Variants in C12orf56 observed in about 807,000 individuals in gnomAD.
C12orf56 encodes the protein chromosome 12 open reading frame 56, also known as uncharacterized protein C12orf56.
In C12orf56, 71 loss-of-function variants were observed where a neutral mutation model predicts 69.9. That is an observed-to-expected ratio of 1.02 (90% CI 0.84 to 1.24). C12orf56 has a LOEUF of 1.24. Ranked by LOEUF, C12orf56 falls within the 50% of genes most tolerant of loss-of-function variation. The probability of loss-of-function intolerance (pLI) is 0.00; values close to 1 mark genes in which losing one functional copy is unlikely to be tolerated. For missense variants in C12orf56, 732 were observed against 738.5 expected (o/e 0.99, Z 0.10); for synonymous variants, 276 against 274.1 (o/e 1.01, Z -0.07).
At chr12:64,350,819 A>T (rs995730302) in intron 2 of C12orf56, among the ~76,000 whole-genome samples, 2 of 152,240 alleles carry the variant, frequency 1.3e-5, no homozygotes, top group Non-Finnish European at 2.9e-5. Context: ...GCTGCACTTT[A>T]TGCAAATAAT....
intron 2 of C12orf56, among the ~76,000 whole-genome samples, chr12:64,348,915 T>G (rs1265944231): frequency 3.3e-5 from 5 of 152,200 alleles, no homozygotes; most frequent in Admixed American, 3.3e-4. Context: ...TAAGGACTCA[T>G]GAAGAGCTGA....
At chr12:64,283,913 T>TC (rs2038164748) in intron 8 of C12orf56, among the ~76,000 whole-genome samples, 1 of 150,758 alleles carries the variant, frequency 6.6e-6, no homozygotes, top group Admixed American at 6.6e-5. Context: ...TATCTATTTT[T>TC]TTTTTTTTTT....
At position 64,318,575 on chromosome 12, in the gene C12orf56, T is replaced by C; in HGVS notation, c.894A>G (p.Ile298Met). Residue 298 changes from isoleucine (I) to methionine (M), a missense_variant and splice_region_variant, in exon 4 of 13, where the codon ATA becomes ATG. By Grantham distance (10) the Ile-to-Met change is conservative (BLOSUM62 1). Coordinates refer to ENST00000543942, the MANE Select transcript of C12orf56 (RefSeq NM_001170633.2). ...HLKSSWNNYI[I>M]KATLLQDPFY... ...AAGGTTAACTTAGGAGGACACTTACTATAATATAATTGTTCCATGAACTTT... is the reference window on the plus strand; with the variant it reads ...AAGGTTAACTTAGGAGGACACTTACCATAATATAATTGTTCCATGAACTTT... 3.3e-6 allele frequency: 5 copies of C among 1,526,848 alleles called. No individual in the cohort carries two copies. The highest frequency in any genetic ancestry group is 1.7e-4 in the Middle Eastern group (1 of 5,942). 94.6% of individuals were successfully genotyped at this position (1,526,848 alleles called of 1,614,324 possible).
chr12:64,379,387 C>T (rs2039681962), intron 1 of C12orf56, among the ~76,000 whole-genome samples: 1 of 151,944 alleles, frequency 6.6e-6, no homozygotes, highest in East Asian at 2.0e-4. Context: ...CGGGTTCACG[C>T]CATTCTCCTG....
chr12:64,298,812 T>C (rs563545676), intron 6 of C12orf56, among the ~76,000 whole-genome samples: 5 of 152,068 alleles, frequency 3.3e-5, no homozygotes, highest in Middle Eastern at 3.4e-3. Flanking sequence ...AGTCAGGTAG[T>C]GTGATGCCTC....
intron 6 of C12orf56, among the ~76,000 whole-genome samples, chr12:64,299,377 T>A (rs2136795767): frequency 6.6e-6 from 1 of 152,214 alleles, no homozygotes; most frequent in East Asian, 1.9e-4. Flanking sequence ...TATTTCCTTC[T>A]CCATTCACTT....
intron 8 of C12orf56, among the ~76,000 whole-genome samples, chr12:64,280,618 T>A (rs1176084625): frequency 2.0e-5 from 3 of 152,264 alleles, no homozygotes; most frequent in African/African-American, 7.2e-5. Context: ...GAGAATATAA[T>A]AAAGGCCCTA....
intron 1 of C12orf56, among the ~76,000 whole-genome samples, chr12:64,354,377 TGTA>T (rs2039277609): frequency 6.6e-6 from 1 of 152,138 alleles, no homozygotes; most frequent in Non-Finnish European, 1.5e-5. Flanking sequence ...GAGTTGAGGC[TGTA>T]GTGTGCCATG....
chr12:64,388,593 T>G (rs983704416), intron 1 of C12orf56, among the ~76,000 whole-genome samples: 3 of 152,202 alleles, frequency 2.0e-5, no homozygotes, highest in African/African-American at 7.2e-5. Flanking sequence ...AAAAAAAATT[T>G]AGTTCAAGGC....
At chr12:64,342,839 G>A (rs915330481) in intron 2 of C12orf56, among the ~76,000 whole-genome samples, 2 of 152,232 alleles carry the variant, frequency 1.3e-5, no homozygotes, top group African/African-American at 2.4e-5. Flanking sequence ...GGCCTCCTCT[G>A]TAATTCACCT....
intron 1 of C12orf56, among the ~76,000 whole-genome samples, chr12:64,381,476 C>G (rs561720219): frequency 6.6e-6 from 1 of 152,264 alleles, no homozygotes; most frequent in South Asian, 2.1e-4. Context: ...AGGCAAGAAG[C>G]ATGTTTGTTT....
intron 2 of C12orf56, among the ~76,000 whole-genome samples, chr12:64,345,576 G>T (rs993186531): frequency 1.3e-5 from 2 of 152,108 alleles, no homozygotes; most frequent in Admixed American, 6.6e-5. Flanking sequence ...ATCTTCCATT[G>T]CAGGTCAGCG....
At chr12:64,308,959 G>GA (rs1157732795) in intron 5 of C12orf56, among the ~76,000 whole-genome samples, 65 of 110,002 alleles carry the variant, frequency 5.9e-4, no homozygotes, top group South Asian at 8.9e-4. Flanking sequence ...AAGAAAGAAA[G>GA]AAAGAAAGAA....
intron 11 of C12orf56, 86 bp from the exon 12 acceptor site, chr12:64,270,800 G>A (rs2037977923): frequency 7.0e-6 from 8 of 1,135,506 alleles, no homozygotes; most frequent in Non-Finnish European, 1.0e-5. Context: ...TACAAATCTA[G>A]ACTGAGGCCC....
chr12:64,308,940 G>GAAGGAAGAAAGA (rs2038563622), intron 5 of C12orf56, among the ~76,000 whole-genome samples: 1 of 80,828 alleles, frequency 1.2e-5, no homozygotes, highest in Non-Finnish European at 2.5e-5. Context: ...AAGAAAGAAA[G>GAAGGAAGAAAGA]AAGAAAGAAA....
At chr12:64,333,415 A>G (rs7972316) in intron 2 of C12orf56, among the ~76,000 whole-genome samples, 67,934 of 151,662 alleles carry the variant, frequency 0.45, 15,559 homozygotes, top group African/African-American at 0.54. Context: ...TTTTGTGCGA[A>G]GTCATTAAAA....
intron 3 of C12orf56, among the ~76,000 whole-genome samples, chr12:64,322,490 A>G (rs1398819483): frequency 6.6e-6 from 1 of 151,938 alleles, no homozygotes; most frequent in Non-Finnish European, 1.5e-5. Flanking sequence ...GTTCATACTT[A>G]CTTCTTAGAG....
chr12:64,311,892 G>T (rs891398510), intron 5 of C12orf56, among the ~76,000 whole-genome samples: 2 of 152,196 alleles, frequency 1.3e-5, no homozygotes, highest in East Asian at 1.9e-4. Context: ...AGTGAAGGCA[G>T]AGAGACCAGC....
chr12:64,384,507 G>A (rs1013614669), intron 1 of C12orf56, among the ~76,000 whole-genome samples: 20 of 152,170 alleles, frequency 1.3e-4, no homozygotes, highest in Admixed American at 4.6e-4. Context: ...CCACCTTGAA[G>A]GAGGACAAAC....
Sources: allele counts gnomAD v4.1 joint callset (sites outside exome capture counted in the v4.1 genomes callset), GRCh38; gene constraint gnomAD v4.1.1; transcripts MANE v1.5; gene names NCBI Gene and HGNC (gene_info 2026-07-23, HGNC 2026-07-21).